HBS1L: variants seen among roughly 807,000 people sequenced by gnomAD.
HBS1L encodes the protein HBS1-like protein.
Under a neutral mutation model 88.9 loss-of-function variants are expected in HBS1L, and 55 were observed. The ratio of observed to expected loss-of-function variants is 0.62; its 90% CI spans 0.50 to 0.77. The LOEUF (loss-of-function observed/expected upper bound fraction) is 0.77. Ranked by LOEUF, HBS1L falls within the 30% of genes least tolerant of loss-of-function variation. The pLI, the probability that HBS1L is intolerant of heterozygous loss-of-function variation, is 0.00. For synonymous variants in HBS1L, 267 were observed against 288.5 expected (o/e 0.93, Z 0.76); for missense variants, 741 against 829.3 (o/e 0.89, Z 1.31).
In HBS1L at chr6:134,987,811, G is replaced by A. The variant is rs756842062; in HGVS notation, c.1084-20C>T. ...ATCCGCCTAAAGAAGAAAAATAATC[G>A]AAGCCAGAAATAATGTTTCAGCATT... is the stretch of plus-strand genomic sequence containing the variant. On this transcript the variant is annotated intron_variant, in intron 8 of 17. Transcript: ENST00000367837. The A allele has an allele frequency of 7.1e-6, 11 of 1,551,498 alleles. No individual in the cohort carries two copies. Among genetic ancestry groups the A allele is most frequent in the Admixed American group, 6.1e-5 (3 of 49,164 alleles).
At chr6:135,029,864 CATAT>C (rs539870278) in intron 4 of HBS1L, among the ~76,000 whole-genome samples, 18 of 152,232 alleles carry the variant, frequency 1.2e-4, no homozygotes, top group African/African-American at 4.3e-4. Flanking sequence ...TTAAGTGATA[CATAT>C]ATAAGTGTTA....
At chr6:134,988,839 T>A (rs182481165) in intron 8 of HBS1L, among the ~76,000 whole-genome samples, 2 of 152,086 alleles carry the variant, frequency 1.3e-5, no homozygotes, top group African/African-American at 4.8e-5. Context: ...GAAATAAGTA[T>A]AGATCTACAA....
At position 134,969,263 on chromosome 6, in the gene HBS1L, C is replaced by A; in HGVS notation, c.1873G>T (p.Gly625Cys). 6.2e-7 allele frequency: 1 copy of A among 1,612,954 alleles called. No individual in the cohort carries two copies. The highest frequency in any genetic ancestry group is 8.5e-7 in the Non-Finnish European group (1 of 1,179,114). ...TTAGGCTTTTTCTTTGTGACTTCAC[C>A]CGTGCTTTTGTTTAAGACACTAATC... ...RLISVLNKST[G>C]EVTKKKPKFL... Residue 625 changes from glycine to cysteine, a missense_variant, in exon 16 of 18, where the codon GGT becomes TGT. Physicochemically the swap from Gly to Cys is radical, Grantham distance 159. Transcript: ENST00000367837.
intron 16 of HBS1L, among the ~76,000 whole-genome samples, chr6:134,967,736 T>A (rs767581665): frequency 2.6e-5 from 4 of 152,166 alleles, no homozygotes; most frequent in Non-Finnish European, 5.9e-5. Context: ...AAGAATATAA[T>A]TTATGTAAAC....
chr6:135,038,370 TA>T (rs61459569), intron 4 of HBS1L, among the ~76,000 whole-genome samples: 6 of 151,774 alleles, frequency 4.0e-5, no homozygotes, highest in African/African-American at 1.5e-4. Context: ...AAAACTTCTT[TA>T]AAAAAACAAA....
In HBS1L at chr6:134,986,053, G is replaced by T; in HGVS notation, c.1423+13C>A. 4 of 1,042,964 alleles carry T rather than the reference G, an allele frequency of 3.8e-6. No individual in the cohort carries two copies. The highest frequency in any genetic ancestry group is 5.9e-6 in the Non-Finnish European group (4 of 672,464). 64.6% of individuals were successfully genotyped at this position (1,042,964 alleles called of 1,614,324 possible). ...TTTATAATGCATTAAAGCTAGAATG[G>T]CAGTATACTTACCAATTTGTTCTAA... On this transcript the variant is annotated intron_variant, in intron 11 of 17. Transcript: ENST00000367837.
intron 15 of HBS1L, among the ~76,000 whole-genome samples, chr6:134,969,822 T>C (rs1244530247): frequency 6.6e-6 from 1 of 152,126 alleles, no homozygotes; most frequent in Admixed American, 6.6e-5. Context: ...GAAAATTAAA[T>C]AGGATCAGAC....
intron 4 of HBS1L, among the ~76,000 whole-genome samples, chr6:135,038,885 A>G (rs545753439): frequency 5.5e-4 from 84 of 152,356 alleles, no homozygotes; most frequent in African/African-American, 2.0e-3. Context: ...AACATTAATT[A>G]GCTGGCTGTC....
chr6:134,969,238 T>C lies in HBS1L; in HGVS notation c.1898A>G (p.Lys633Arg). 6.3e-7 allele frequency: 1 copy of C among 1,598,354 alleles called. No individual in the cohort carries two copies. The highest frequency in any genetic ancestry group is 8.6e-7 in the Non-Finnish European group (1 of 1,166,052). The change falls in exon 16 of 18, where the codon AAG (lysine) becomes AGG (arginine). Residue 633 changes from lysine (K) to arginine (R), a missense_variant and splice_region_variant. Physicochemically the swap from Lys to Arg is conservative, Grantham distance 26. Transcript: ENST00000367837. Reference protein sequence around the residue: ...STGEVTKKKPKFLTKGQNALV... With the variant: ...STGEVTKKKPRFLTKGQNALV... ...ATCATTTCTGTATTAAAACACTCAC[T>C]TAGGCTTTTTCTTTGTGACTTCACC...
chr6:134,976,754 G>A (rs575281050), intron 15 of HBS1L, among the ~76,000 whole-genome samples: 33 of 152,126 alleles, frequency 2.2e-4, no homozygotes, highest in African/African-American at 6.7e-4. Context: ...ACTCAGTAGC[G>A]GGTAGGGCTT....
At chr6:134,992,350 G>A (rs1207300256) in intron 8 of HBS1L, among the ~76,000 whole-genome samples, 2 of 152,052 alleles carry the variant, frequency 1.3e-5, no homozygotes, top group African/African-American at 2.4e-5. Context: ...CCCATTGCCT[G>A]GTGATGTCAT....
chr6:135,043,801 G>T (rs923740018), intron 2 of HBS1L, among the ~76,000 whole-genome samples: 1 of 152,130 alleles, frequency 6.6e-6, no homozygotes, highest in African/African-American at 2.4e-5. Context: ...AATTCAATCC[G>T]TTCTACTATA....
At chr6:135,021,116 T>C (rs1055473804) in intron 4 of HBS1L, among the ~76,000 whole-genome samples, 1 of 152,066 alleles carries the variant, frequency 6.6e-6, no homozygotes, top group Admixed American at 6.5e-5. Context: ...GAGCTTCAGA[T>C]CCTCCAACTA....
rs1398706602 is a variant in HBS1L at position 134,962,559 on chromosome 6, A to G, written c.*2720T>C. 1.3e-5 allele frequency: 2 copies of G among 152,250 alleles called. No individual in the cohort carries two copies. The highest frequency in any genetic ancestry group is 2.9e-5 in the Non-Finnish European group (2 of 68,044). 9.4% of individuals were successfully genotyped at this position (152,250 alleles called of 1,614,324 possible). Reference sequence around the variant, plus strand: ...TGGCCTCTAAAACATTTCTCACAGTAGAGAGGCTCAATTGTCATGAATGTG... The same window carrying G: ...TGGCCTCTAAAACATTTCTCACAGTGGAGAGGCTCAATTGTCATGAATGTG... On this transcript the variant is annotated 3_prime_UTR_variant, in exon 18 of 18. Coordinates refer to ENST00000367837, the MANE Select transcript of HBS1L (RefSeq NM_006620.4).
intron 7 of HBS1L, among the ~76,000 whole-genome samples, chr6:134,995,415 TATATC>T (rs1775262114): frequency 6.6e-6 from 1 of 151,930 alleles, no homozygotes; most frequent in Non-Finnish European, 1.5e-5. Context: ...TTCTAAAACT[TATATC>T]ATGCTGAGCA....
chr6:134,973,586 C>A (rs1459016172), intron 15 of HBS1L, among the ~76,000 whole-genome samples: 1 of 152,102 alleles, frequency 6.6e-6, no homozygotes, highest in Non-Finnish European at 1.5e-5. Flanking sequence ...GAGGCCAAGG[C>A]GGGTGGATCA....
At chr6:135,023,043 A>G (rs1428296514) in intron 4 of HBS1L, among the ~76,000 whole-genome samples, 2 of 152,004 alleles carry the variant, frequency 1.3e-5, no homozygotes, top group Non-Finnish European at 2.9e-5. Context: ...AAAATAAACA[A>G]GTAGAAAAAA....
intron 15 of HBS1L, among the ~76,000 whole-genome samples, chr6:134,970,680 G>C (rs1774457663): frequency 6.7e-6 from 1 of 149,984 alleles, no homozygotes; most frequent in Non-Finnish European, 1.5e-5. Flanking sequence ...TTAGGCTTAT[G>C]TCAGCTGAAA....
chr6:135,036,478 C>A, intron 4 of HBS1L: 8 of 1,372,674 alleles, frequency 5.8e-6, no homozygotes, highest in East Asian at 5.3e-5. Flanking sequence ...AATTTGAATC[C>A]CATAATATAA....
Sources: allele counts gnomAD v4.1 joint callset (sites outside exome capture counted in the v4.1 genomes callset), GRCh38; gene constraint gnomAD v4.1.1; transcripts MANE v1.5; gene names NCBI Gene and HGNC (gene_info 2026-07-23, HGNC 2026-07-21).